The following CDH6 variants were observed in gnomAD, a reference collection of about 807,000 sequenced individuals.
The protein encoded by CDH6 is cadherin 6, also known as cadherin-6.
A neutral mutation model predicts 78.0 loss-of-function variants in CDH6; 31 were observed. That is an observed-to-expected ratio of 0.40 (90% CI 0.30 to 0.54). CDH6 has a LOEUF of 0.54. CDH6 is among the 20% of genes least tolerant of loss of function. The pLI is 0.56. For missense variants in CDH6, 724 were observed against 975.9 expected, an observed-to-expected ratio of 0.74 and a Z score of 3.44; for synonymous variants, 376 against 368.8, an observed-to-expected ratio of 1.02 and a Z score of -0.23.
chr5:31,302,951 G>GAAAGAAAGAA (rs1737861858), intron 6 of CDH6, among the ~76,000 whole-genome samples: 3 of 130,258 alleles, frequency 2.3e-5, no homozygotes, highest in Admixed American at 1.6e-4. Flanking sequence ...AAGAAAGAAA[G>GAAAGAAAGAA]AAAGAAGGAA....
intron 11 of CDH6, among the ~76,000 whole-genome samples, chr5:31,320,591 G>T (rs1308717726): frequency 1.3e-5 from 2 of 152,148 alleles, no homozygotes; most frequent in Non-Finnish European, 2.9e-5. Context: ...CAACCAGTAT[G>T]AAAGGTAGAT....
In CDH6 at chr5:31,325,873, G is replaced by A. The variant is rs1738614957; in HGVS notation, c.*2565G>A. The stretch of plus-strand genomic sequence containing the variant: ...AATATTTAGTACCAGGGTACTGTAA[G>A]TATCAAGTTGGAGTGACGTTTTCCT... On this transcript the variant is annotated 3_prime_UTR_variant, in exon 12 of 12. Coordinates refer to ENST00000265071, the MANE Select transcript of CDH6 (RefSeq NM_004932.4). The A allele has an allele frequency of 4.3e-6, 1 of 231,708 alleles. No individual in the cohort carries two copies. Among genetic ancestry groups the A allele is most frequent in the Admixed American group, 5.6e-5 (1 of 17,714 alleles). The allele number at this position is 231,708 out of a possible 1,614,324, so 14.4% of individuals were successfully genotyped here.
At chr5:31,229,538 T>G (rs1319757561) in intron 1 of CDH6, among the ~76,000 whole-genome samples, 1 of 152,230 alleles carries the variant, frequency 6.6e-6, no homozygotes, top group Non-Finnish European at 1.5e-5. Context: ...TGGAAGCTTT[T>G]ATAGGTCTCT....
At chr5:31,287,935 C>G (rs1180624770) in intron 2 of CDH6, among the ~76,000 whole-genome samples, 2 of 152,214 alleles carry the variant, frequency 1.3e-5, no homozygotes. Context: ...AGTGCAATGT[C>G]TTTTTTTCCT....
chr5:31,252,328 G>GGTGTGTGTGTGT (rs5867065), intron 1 of CDH6, among the ~76,000 whole-genome samples: 6,790 of 148,956 alleles, frequency 0.046, 235 homozygotes, highest in African/African-American at 0.099. Flanking sequence ...ATGTGTGTGT[G>GGTGTGTGTGTGT]GTGTGTGTGT....
At chr5:31,306,669 T>C (rs935690262) in intron 7 of CDH6, among the ~76,000 whole-genome samples, 5 of 152,260 alleles carry the variant, frequency 3.3e-5, no homozygotes, top group South Asian at 4.1e-4. Flanking sequence ...AGTTCACAAA[T>C]AGATTCTGGT....
intron 4 of CDH6, among the ~76,000 whole-genome samples, chr5:31,298,088 A>C (rs1369965185): frequency 6.6e-6 from 1 of 152,226 alleles, no homozygotes; most frequent in Non-Finnish European, 1.5e-5. Context: ...TCCTAATCAA[A>C]GTGAAATGCC....
chr5:31,328,083 C>A lies in CDH6; in HGVS notation c.*4775C>A, dbSNP rs1038655281. 1 of 215,702 alleles carries A rather than the reference C, an allele frequency of 4.6e-6. No homozygotes were observed. Among genetic ancestry groups the A allele is most frequent in the African/African-American group, 2.3e-5 (1 of 44,246 alleles). The allele number at this position is 215,702 out of a possible 1,614,324, so 13.4% of individuals were successfully genotyped here. On this transcript the variant is annotated 3_prime_UTR_variant, in exon 12 of 12. Coordinates refer to ENST00000265071, the MANE Select transcript of CDH6 (RefSeq NM_004932.4). ...TCAAATGGAAACAAAGGCTCTTACC[C>A]GCTGTATTTCAGACAGGACTGAGGC...
At chr5:31,212,762 G>GCACACACACACACA (rs72457836) in intron 1 of CDH6, among the ~76,000 whole-genome samples, 2 of 148,180 alleles carry the variant, frequency 1.3e-5, no homozygotes, top group African/African-American at 5.0e-5. Flanking sequence ...ACATGAACGT[G>GCACACACACACACA]CACACACACA....
chr5:31,201,906 T>G (rs1740359401), intron 1 of CDH6, among the ~76,000 whole-genome samples: 1 of 152,240 alleles, frequency 6.6e-6, no homozygotes, highest in South Asian at 2.1e-4. Context: ...AATACTAATA[T>G]GATCTTTGAC....
At chr5:31,286,947 G>A (rs1449591203) in intron 2 of CDH6, among the ~76,000 whole-genome samples, 2 of 152,104 alleles carry the variant, frequency 1.3e-5, no homozygotes, top group Non-Finnish European at 2.9e-5. Flanking sequence ...CAGAGGGTAT[G>A]GCCTAGGATG....
Position 31,327,729 on chromosome 5 carries a change from T to C in CDH6, c.*4421T>C, listed in dbSNP as rs1294729118. 3 of 206,564 alleles carry C rather than the reference T, an allele frequency of 1.5e-5. No homozygotes were observed. Among genetic ancestry groups the C allele is most frequent in the Non-Finnish European group, 3.0e-5 (3 of 101,288 alleles). The allele number at this position is 206,564 out of a possible 1,614,324, so 12.8% of individuals were successfully genotyped here. ...GCTCTTATGGTCACAGCATTTTTAA[T>C]CTCCCTATGGCATCTTTATGGAATA... On this transcript the variant is annotated 3_prime_UTR_variant, in exon 12 of 12. Transcript: ENST00000265071.
rs1955085 is a variant in CDH6, at chr5:31,296,808, A to G, written c.524-481A>G. ...TATCCAGCTTTGTCCTCAGGCTGGC[A>G]TTTCTAAGATCACAAAATAGCTGCT... On this transcript the variant is annotated intron_variant, in intron 3 of 11. Transcript: ENST00000265071. Among the ~76,000 whole-genome samples, 1,433 of 152,202 alleles carry G rather than the reference A, an allele frequency of 9.4e-3. 22 individuals are homozygous for G. The highest frequency in any genetic ancestry group is 0.033 in the African/African-American group (1,353 of 41,536).
intron 1 of CDH6, among the ~76,000 whole-genome samples, chr5:31,227,999 C>T (rs746899016): frequency 6.6e-6 from 1 of 152,180 alleles, no homozygotes; most frequent in Non-Finnish European, 1.5e-5. Flanking sequence ...ATCAGCCTGT[C>T]GGTGTGCTTG....
At chr5:31,281,361 G>C (rs1742859172) in intron 2 of CDH6, among the ~76,000 whole-genome samples, 1 of 151,820 alleles carries the variant, frequency 6.6e-6, no homozygotes. Context: ...GGGTGTGTTT[G>C]TGTGTGTGTG....
chr5:31,317,512 C>T lies in CDH6; in HGVS notation c.1630+20C>T, dbSNP rs1360496644. ...ACAAAGGTAAATGAGTTCAAGTTAC[C>T]TTCTCTATCTATCTCCATCTATATC... On this transcript the variant is annotated intron_variant, in intron 10 of 11. Transcript: ENST00000265071. 1 of 1,551,298 alleles carries T rather than the reference C, an allele frequency of 6.4e-7. No homozygotes were observed. Among genetic ancestry groups the T allele is most frequent in the African/African-American group, 1.4e-5 (1 of 73,646 alleles).
intron 1 of CDH6, among the ~76,000 whole-genome samples, chr5:31,212,744 T>C (rs1198346330): frequency 6.6e-6 from 1 of 151,508 alleles, no homozygotes; most frequent in Non-Finnish European, 1.5e-5. Flanking sequence ...CAAAAACTCA[T>C]GGTGTTCACA....
intron 1 of CDH6, among the ~76,000 whole-genome samples, chr5:31,244,049 C>T (rs1009949879): frequency 1.3e-5 from 2 of 152,274 alleles, no homozygotes; most frequent in Non-Finnish European, 2.9e-5. Context: ...GGATTACCTG[C>T]CCAAAGATGT....
At chr5:31,212,880 C>T (rs1740754552) in intron 1 of CDH6, among the ~76,000 whole-genome samples, 1 of 152,152 alleles carries the variant, frequency 6.6e-6, no homozygotes, top group Admixed American at 6.5e-5. Context: ...GCTTTTCTAG[C>T]CCACGTAGGT....
Sources: allele counts gnomAD v4.1 joint callset (sites outside exome capture counted in the v4.1 genomes callset), GRCh38; gene constraint gnomAD v4.1.1; transcripts MANE v1.5; gene names NCBI Gene and HGNC (gene_info 2026-07-23, HGNC 2026-07-21).